Variants in TRIM23 observed in about 807,000 individuals in gnomAD.
TRIM23 encodes the protein E3 ubiquitin-protein ligase TRIM23.
TRIM23 carries 27 observed loss-of-function variants against 71.0 expected under a neutral mutation model. The observed-to-expected ratio is 0.38, with a 90% confidence interval of 0.28 to 0.52. The LOEUF is 0.52. TRIM23 is among the 20% of genes least tolerant of loss of function. The pLI is 0.84. For synonymous variants in TRIM23, 234 were observed against 238.0 expected, an observed-to-expected ratio of 0.98 and a Z score of 0.16; for missense variants, 482 against 692.3, an observed-to-expected ratio of 0.70 and a Z score of 3.41.
At chr5:65,608,378 A>G (rs746493005) in intron 6 of TRIM23, among the ~76,000 whole-genome samples, 4 of 152,210 alleles carry the variant, frequency 2.6e-5, no homozygotes, top group Admixed American at 1.3e-4. Flanking sequence ...AATAGCATAC[A>G]TATCAACTGT....
At chr5:65,609,539 G>A (rs1754599457) in intron 5 of TRIM23, 81 bp from the exon 6 acceptor site, 3 of 1,389,352 alleles carry the variant, frequency 2.2e-6, no homozygotes, top group Non-Finnish European at 2.9e-6. Context: ...TTTCAGCCTA[G>A]GCAACATGGC....
intron 7 of TRIM23, among the ~76,000 whole-genome samples, chr5:65,599,210 A>G (rs1002510284): frequency 2.0e-5 from 3 of 152,224 alleles, no homozygotes; most frequent in African/African-American, 4.8e-5. Flanking sequence ...TAAAGTCAAC[A>G]AAGTTTCAGG....
At chr5:65,608,683 T>C (rs995966235) in intron 6 of TRIM23, among the ~76,000 whole-genome samples, 1 of 152,198 alleles carries the variant, frequency 6.6e-6, no homozygotes, top group Non-Finnish European at 1.5e-5. Flanking sequence ...AATAACTGAA[T>C]CTCATTTATT....
At chr5:65,617,099 CT>C (rs1464194049) in intron 2 of TRIM23, among the ~76,000 whole-genome samples, 1 of 151,670 alleles carries the variant, frequency 6.6e-6, no homozygotes, top group African/African-American at 2.4e-5. Context: ...AGTACAGAGA[CT>C]TTCCCAATCC....
intron 7 of TRIM23, among the ~76,000 whole-genome samples, chr5:65,599,013 ACT>A (rs1355307011): frequency 6.6e-6 from 1 of 152,210 alleles, no homozygotes; most frequent in Non-Finnish European, 1.5e-5. Context: ...CTAACATCAT[ACT>A]CAAAAAACTG....
Position 65,591,364 on chromosome 5 carries a change from A to G in TRIM23, c.*405T>C, listed in dbSNP as rs947912698. The G allele has an allele frequency of 3.3e-6, 5 of 1,514,970 alleles. No homozygotes were observed. The African/African-American group carries it at 5.8e-5, about 17-fold the overall frequency. The allele number at this position is 1,514,970 out of a possible 1,614,324, so 93.8% of individuals were successfully genotyped here. On this transcript the variant is annotated 3_prime_UTR_variant, in exon 11 of 11. Coordinates refer to ENST00000231524, the MANE Select transcript of TRIM23 (RefSeq NM_001656.4). Reference sequence around the variant, plus strand: ...AAAAGGCAGGTTAAAAGAAGCAGCTATACTTCACTTGCTTCACACAGAGGT... The same window carrying G: ...AAAAGGCAGGTTAAAAGAAGCAGCTGTACTTCACTTGCTTCACACAGAGGT...
At chr5:65,617,882 A>G (rs1754815614) in intron 2 of TRIM23, among the ~76,000 whole-genome samples, 1 of 152,218 alleles carries the variant, frequency 6.6e-6, no homozygotes, top group African/African-American at 2.4e-5. Context: ...AGTATTGAAT[A>G]TAAACATCTC....
At chr5:65,594,069 A>G (rs1754123775) in intron 10 of TRIM23, among the ~76,000 whole-genome samples, 2 of 152,198 alleles carry the variant, frequency 1.3e-5, no homozygotes, top group Non-Finnish European at 2.9e-5. Flanking sequence ...GAGACCTGAC[A>G]TATAGATCTG....
At chr5:65,600,703 A>T (rs1754340226) in intron 7 of TRIM23, among the ~76,000 whole-genome samples, 1 of 152,092 alleles carries the variant, frequency 6.6e-6, no homozygotes, top group African/African-American at 2.4e-5. Flanking sequence ...CAACAGAGTG[A>T]AAAATTGACC....
intron 6 of TRIM23, among the ~76,000 whole-genome samples, chr5:65,607,521 C>T (rs1478695795): frequency 6.6e-6 from 1 of 152,158 alleles, no homozygotes; most frequent in East Asian, 1.9e-4. Context: ...GCTTCCCCTT[C>T]GCCTTCCCCC....
intron 7 of TRIM23, among the ~76,000 whole-genome samples, chr5:65,600,750 T>G (rs529085854): frequency 4.6e-5 from 7 of 152,170 alleles, no homozygotes; most frequent in Admixed American, 3.3e-4. Context: ...GTCACAGATC[T>G]GATAGGGAAT....
In TRIM23 at chr5:65,610,915, A is replaced by C; in HGVS notation, c.774T>G (p.Ile258Met). 6.2e-7 allele frequency: 1 copy of C among 1,613,494 alleles called. No homozygotes were observed. The highest frequency in any genetic ancestry group is 8.5e-7 in the Non-Finnish European group (1 of 1,179,814). The change falls in exon 5 of 11, where the codon ATT (isoleucine) becomes ATG (methionine). Residue 258 changes from isoleucine (I) to methionine (M), a missense_variant. Ile to Met is a conservative substitution (Grantham distance 10). This residue lies in a region of TRIM23 where 307 missense variants were observed against 495.8 expected (regional missense o/e 0.62). Coordinates refer to ENST00000231524, the MANE Select transcript of TRIM23 (RefSeq NM_001656.4). ...CTTCCACGATTTGTTCTCCTCCTTCAATGTGCTGCACAATTCCAACTAATT... is the reference window on the plus strand; with the variant it reads ...CTTCCACGATTTGTTCTCCTCCTTCCATGTGCTGCACAATTCCAACTAATT... ...SRKLVGIVQH[I>M]EGGEQIVEDG...
At chr5:65,595,329 G>T (rs1212800212) in intron 9 of TRIM23, among the ~76,000 whole-genome samples, 2 of 151,994 alleles carry the variant, frequency 1.3e-5, no homozygotes, top group Admixed American at 6.6e-5. Context: ...AGGCCAAGAC[G>T]GGCGGATCAC....
At chr5:65,623,166 A>G (rs1754993518) in intron 1 of TRIM23, among the ~76,000 whole-genome samples, 1 of 152,210 alleles carries the variant, frequency 6.6e-6, no homozygotes, top group South Asian at 2.1e-4. Context: ...TTACCTGAAT[A>G]ATCATAGGTG....
intron 1 of TRIM23, among the ~76,000 whole-genome samples, chr5:65,623,671 G>A (rs938878892): frequency 1.3e-5 from 2 of 152,156 alleles, no homozygotes; most frequent in Admixed American, 6.5e-5. Context: ...CCCAATAACA[G>A]ATGTCTGATT....
At chr5:65,623,207 T>C (rs1754996257) in intron 1 of TRIM23, among the ~76,000 whole-genome samples, 1 of 152,220 alleles carries the variant, frequency 6.6e-6, no homozygotes, top group Non-Finnish European at 1.5e-5. Flanking sequence ...AAAAACTTCA[T>C]ATATTACCTT....
At chr5:65,622,902 A>C (rs779197252) in intron 1 of TRIM23, among the ~76,000 whole-genome samples, 2 of 152,248 alleles carry the variant, frequency 1.3e-5, no homozygotes, top group Non-Finnish European at 2.9e-5. Flanking sequence ...ATTATGAAAT[A>C]AAACTTAAAC....
chr5:65,619,382 C>G (rs1248872596), intron 1 of TRIM23, among the ~76,000 whole-genome samples: 1 of 152,148 alleles, frequency 6.6e-6, no homozygotes, highest in Non-Finnish European at 1.5e-5. Flanking sequence ...ACCAAAGAAC[C>G]CTCAGGAACT....
At chr5:65,602,597 T>C (rs1310251548) in intron 7 of TRIM23, among the ~76,000 whole-genome samples, 3 of 152,116 alleles carry the variant, frequency 2.0e-5, no homozygotes, top group Admixed American at 2.0e-4. Flanking sequence ...CTGGTACCAA[T>C]TTACTGTATT....
Sources: gnomAD v4.1 joint callset for allele counts (sites outside exome capture counted in the v4.1 genomes callset) on GRCh38, gnomAD v4.1.1 for gene constraint, gnomAD v4.1.1 regional missense constraint, MANE v1.5 for transcripts, NCBI Gene and HGNC (gene_info 2026-07-23, HGNC 2026-07-21) for gene names.